NCALD: variants seen among roughly 807,000 people sequenced by gnomAD.
NCALD encodes neurocalcin delta.
A neutral mutation model predicts 18.6 loss-of-function variants in NCALD; 10 were observed. The ratio of observed to expected loss-of-function variants is 0.54; its 90% CI spans 0.33 to 0.91. NCALD has a LOEUF of 0.91. Ranked by LOEUF, NCALD falls within the 40% of genes least tolerant of loss-of-function variation. The probability of loss-of-function intolerance (pLI) is 0.03; values close to 1 mark genes in which losing one functional copy is unlikely to be tolerated. For synonymous variants in NCALD, 88 were observed against 87.4 expected (o/e 1.01, Z -0.04); for missense variants, 184 against 247.6 (o/e 0.74, Z 1.72).
intron 4 of NCALD, among the ~76,000 whole-genome samples, chr8:101,875,661 T>C (rs1436780144): frequency 3.9e-5 from 6 of 152,152 alleles, no homozygotes; most frequent in African/African-American, 1.4e-4. Flanking sequence ...ACTGGATCCA[T>C]AATTAATTAA....
chr8:101,799,877 T>A (rs1396203073), intron 4 of NCALD, among the ~76,000 whole-genome samples: 4 of 152,208 alleles, frequency 2.6e-5, no homozygotes, highest in Non-Finnish European at 5.9e-5. Context: ...ATATCCTGAT[T>A]GTAATTTTGC....
intron 3 of NCALD, among the ~76,000 whole-genome samples, chr8:101,908,493 C>A (rs984203301): frequency 6.6e-6 from 1 of 152,194 alleles, no homozygotes; most frequent in African/African-American, 2.4e-5. Flanking sequence ...TTTCATTTCA[C>A]GGAACCATGT....
rs548710450 is a variant in NCALD at position 102,038,244 on chromosome 8, G to A, written c.-209-17955C>T. ...CCTAGGAAAAGGACAAGTGAGATGT[G>A]ACAGAAATTAAACCAGTACCTTCCC... On this transcript the variant is annotated intron_variant, in intron 1 of 6. Transcript: ENST00000311028. 1.6e-4 allele frequency among the ~76,000 whole-genome samples: 25 copies of A among 152,244 alleles called. 1 individual carries two copies. In the South Asian group the frequency reaches 4.8e-3, roughly 29 times the overall value.
intron 2 of NCALD, among the ~76,000 whole-genome samples, chr8:101,932,354 TC>T (rs973840977): frequency 2.9e-4 from 44 of 152,154 alleles, no homozygotes; most frequent in African/African-American, 1.0e-3. Context: ...ATTCTGCATG[TC>T]CCCCAAAATA....
At chr8:102,082,009 C>G (rs1199263882) in intron 1 of NCALD, among the ~76,000 whole-genome samples, 2 of 152,066 alleles carry the variant, frequency 1.3e-5, no homozygotes, top group Non-Finnish European at 2.9e-5. Context: ...TTTACACTGC[C>G]TGACTAAATT....
rs199969254 is a variant in NCALD, at chr8:102,079,407, TTG to T, written c.-210+44828_-210+44829del. On this transcript the variant is annotated intron_variant, in intron 1 of 6. Coordinates refer to the NCALD transcript ENST00000311028. ...TAGGGAGAGAAACTGAGACCCACAG[TTG>T]TGTGTGTCTTTCTCATGACATCTGC... Among the ~76,000 whole-genome samples the T allele has an allele frequency of 6.0e-3, 914 of 152,280 alleles. 6 individuals are homozygous for T. Among genetic ancestry groups the T allele is most frequent in the African/African-American group, 0.021 (870 of 41,550 alleles).
intron 1 of NCALD, among the ~76,000 whole-genome samples, chr8:102,100,485 A>G (rs186253757): frequency 7.9e-5 from 12 of 152,342 alleles, no homozygotes; most frequent in Non-Finnish European, 1.5e-4. Context: ...TGGAATGTTT[A>G]GGCTTTGGGG....
In NCALD at chr8:101,945,721, A is replaced by C. The variant is rs1819142938; in HGVS notation, c.-156-29863T>G. Reference sequence around the variant, plus strand: ...TGATAGATGTGTCACGTGGAAGACAAGTTTTATAATGGCCAACGTTAGTCC... The same window carrying C: ...TGATAGATGTGTCACGTGGAAGACACGTTTTATAATGGCCAACGTTAGTCC... On this transcript the variant is annotated intron_variant, in intron 2 of 6. Transcript: ENST00000311028. Among the ~76,000 whole-genome samples, 2 of 152,202 alleles carry C rather than the reference A, an allele frequency of 1.3e-5. 1 individual carries two copies. Among genetic ancestry groups the C allele is most frequent in the South Asian group, 4.1e-4 (2 of 4,830 alleles).
intron 4 of NCALD, chr8:101,871,931 C>T: frequency 1.4e-6 from 1 of 717,876 alleles, no homozygotes; most frequent in Admixed American, 1.9e-5. Flanking sequence ...TCCTCCAAGT[C>T]CGTCTTAACT....
chr8:101,926,375 T>C (rs1282088902), intron 2 of NCALD, among the ~76,000 whole-genome samples: 3 of 152,190 alleles, frequency 2.0e-5, no homozygotes, highest in Non-Finnish European at 4.4e-5. Context: ...GTTGATTACA[T>C]GCTAAGCTTT....
chr8:102,100,680 C>G (rs956466920), intron 1 of NCALD, among the ~76,000 whole-genome samples: 5 of 152,100 alleles, frequency 3.3e-5, no homozygotes, highest in Non-Finnish European at 4.4e-5. Context: ...AGTGGATAAA[C>G]AAAACGAGGT....
intron 2 of NCALD, among the ~76,000 whole-genome samples, chr8:101,974,777 C>T (rs973710576): frequency 2.0e-5 from 3 of 152,110 alleles, no homozygotes; most frequent in Non-Finnish European, 1.5e-5. Flanking sequence ...AGAAATTATA[C>T]ATACATTCAG....
upstream of NCALD, among the ~76,000 whole-genome samples, chr8:101,791,331 GTCTC>G (rs148250257): frequency 6.6e-6 from 1 of 151,446 alleles, no homozygotes; most frequent in Non-Finnish European, 1.5e-5. Flanking sequence ...CATGAAGCAT[GTCTC>G]TCTCTCTCTC....
intron 2 of NCALD, among the ~76,000 whole-genome samples, chr8:102,000,696 G>A (rs935160376): frequency 6.6e-6 from 1 of 152,196 alleles, no homozygotes. Context: ...GGAATGATCA[G>A]GCAACAACAC....
chr8:101,812,633 A>C (rs373695662), intron 4 of NCALD, among the ~76,000 whole-genome samples: 1 of 152,238 alleles, frequency 6.6e-6, no homozygotes, highest in South Asian at 2.1e-4. Flanking sequence ...GAGGAAAAGA[A>C]TAATGGATAA....
intron 1 of NCALD, among the ~76,000 whole-genome samples, chr8:102,104,648 A>T (rs1180243698): frequency 6.6e-6 from 1 of 152,172 alleles, no homozygotes; most frequent in African/African-American, 2.4e-5. Context: ...TATTTGTAAT[A>T]GACCTGCAAA....
chr8:101,844,071 T>C (rs560366553), intron 4 of NCALD, among the ~76,000 whole-genome samples: 3 of 152,304 alleles, frequency 2.0e-5, no homozygotes, highest in Admixed American at 6.5e-5. Context: ...CTTCCATCCT[T>C]CTCTGACAGC....
At chr8:101,887,145 T>C (rs1816705366) in exon 4 of NCALD, 1 of 152,188 alleles carries the variant, frequency 6.6e-6, no homozygotes, top group Admixed American at 6.5e-5. Flanking sequence ...ACTCACAGTA[T>C]GCAGTCACTC....
intron 1 of NCALD, among the ~76,000 whole-genome samples, chr8:102,024,150 C>A (rs1478107754): frequency 6.6e-6 from 1 of 152,112 alleles, no homozygotes; most frequent in Non-Finnish European, 1.5e-5. Flanking sequence ...ACACAGCAAA[C>A]CTAATTGTAA....
Sources: allele counts gnomAD v4.1 joint callset (sites outside exome capture counted in the v4.1 genomes callset), GRCh38; gene constraint gnomAD v4.1.1; transcripts MANE v1.5; gene names NCBI Gene and HGNC (gene_info 2026-07-23, HGNC 2026-07-21).